The following GOLGA6L9 variants were observed in gnomAD, a reference collection of about 807,000 sequenced individuals.
GOLGA6L9 encodes golgin A6 family like 9.
Under a neutral mutation model 51.3 loss-of-function variants are expected in GOLGA6L9, and 19 were observed. The observed-to-expected ratio is 0.37, with a 90% CI of 0.26 to 0.54. The LOEUF (loss-of-function observed/expected upper bound fraction) is 0.54. GOLGA6L9 is among the 20% of genes least tolerant of loss of function. GOLGA6L9 has a pLI of 0.83. For synonymous variants in GOLGA6L9, 97 were observed against 184.2 expected (o/e 0.53, Z 3.83); for missense variants, 247 against 464.1 (o/e 0.53, Z 4.30).
the GOLGA6L9 span, chr15:82,419,276 T>G: frequency 5.2e-6 from 1 of 193,752 alleles, no homozygotes; most frequent in Non-Finnish European, 1.1e-5. Flanking sequence ...TACTCAATTT[T>G]CACCCTCAAT....
chr15:82,438,347 A>C lies in GOLGA6L9; in HGVS notation c.*1936A>C, dbSNP rs1380358217. 6.6e-6 allele frequency: 1 copy of C among 151,170 alleles called. No homozygotes were observed. The highest frequency in any genetic ancestry group is 2.4e-5 in the African/African-American group (1 of 41,164). 9.4% of individuals were successfully genotyped at this position (151,170 alleles called of 1,614,324 possible). ...GAATGTCAGTCTGAAAAATAAATGTACTATATTAACTCAAATACCACTCTC... is the reference window on the plus strand; with the variant it reads ...GAATGTCAGTCTGAAAAATAAATGTCCTATATTAACTCAAATACCACTCTC... On this transcript the variant is annotated 3_prime_UTR_variant, in exon 9 of 9. Transcript: ENST00000618348.
intron 4 of GOLGA6L9, 122 bp from the exon 5 acceptor site, chr15:82,433,440 G>C: frequency 1.6e-6 from 1 of 627,582 alleles, no homozygotes; most frequent in Non-Finnish European, 2.8e-6. Context: ...AATGTTTGTT[G>C]AATGAATGCA....
rs1227370503 is a variant in GOLGA6L9, at chr15:82,434,507, C to T, written c.907C>T (p.Leu303=). 6.4e-7 allele frequency: 1 copy of T among 1,573,250 alleles called. No individual in the cohort carries two copies. The highest frequency in any genetic ancestry group is 8.6e-7 in the Non-Finnish European group (1 of 1,167,006). ...RLWQQETLRE[L]ERLRELERML... The stretch of plus-strand genomic sequence containing the variant: ...GTGGCAGCAGGAGACTCTGCGGGAG[C>T]TGGAGAGGCTGCGGGAGCTGGAGAG... The change falls in exon 6 of 9, where the codon CTG becomes TTG. Residue 303 remains leucine, a synonymous_variant. Coordinates refer to ENST00000618348, the MANE Select transcript of GOLGA6L9 (RefSeq NM_198181.4).
chr15:82,428,258 T>TA (rs2031261379), upstream of GOLGA6L9, among the ~76,000 whole-genome samples: 1 of 135,364 alleles, frequency 7.4e-6, no homozygotes, highest in Non-Finnish European at 1.6e-5. Flanking sequence ...TGTGCGTGAG[T>TA]CTTACATTGT....
chr15:82,424,199 G>A, the GOLGA6L9 span, among the ~76,000 whole-genome samples: 4 of 151,000 alleles, frequency 2.6e-5, no homozygotes, highest in Non-Finnish European at 5.9e-5. Context: ...AGTCTCCCGA[G>A]TAGCTGGGAT....
In GOLGA6L9 at chr15:82,434,284, G is replaced by T. The variant is rs1267945999; in HGVS notation, c.684G>T (p.Arg228Ser). ...AGAGGCTGTGTGAACAGGAGGAGAG[G>T]CTACGTGAACAGGAGGAGAGGCTGT... ...QEERLCEQEE[R>S]LREQEERLCE... The change falls in exon 6 of 9, where the codon AGG (arginine) becomes AGT (serine). Residue 228 changes from arginine to serine, a missense_variant. Arg to Ser is a moderately radical substitution (Grantham distance 110). This residue lies in a region of GOLGA6L9 where 66 missense variants were observed against 66.2 expected (regional missense o/e 1.00). Coordinates refer to ENST00000618348, the MANE Select transcript of GOLGA6L9 (RefSeq NM_198181.4). 11,854 of 1,552,628 alleles carry T rather than the reference G, an allele frequency of 7.6e-3. 41 individuals are homozygous for T. The highest frequency in any genetic ancestry group is 9.1e-3 in the Non-Finnish European group (10,566 of 1,155,662).
At chr15:82,429,773 T>G (rs1480069361), upstream of GOLGA6L9, among the ~76,000 whole-genome samples, 1 of 152,164 alleles carries the variant, frequency 6.6e-6, no homozygotes, top group Non-Finnish European at 1.5e-5. Flanking sequence ...TTTTAAAGCT[T>G]TTAAAGCAAA....
chr15:82,433,664 G>T lies in GOLGA6L9; in HGVS notation c.433+15G>T. ...AAACCAGACGGGTAAGATGGGGCTG[G>T]CATGACCTGGCAGCTGGACTGGCAT... On this transcript the variant is annotated intron_variant, in intron 5 of 8. Coordinates refer to ENST00000618348, the MANE Select transcript of GOLGA6L9 (RefSeq NM_198181.4). The T allele has an allele frequency of 1.3e-6, 1 of 750,490 alleles. No homozygotes were observed. Among genetic ancestry groups the T allele is most frequent in the East Asian group, 2.8e-5 (1 of 35,558 alleles). 46.5% of individuals were successfully genotyped at this position (750,490 alleles called of 1,614,324 possible).
chr15:82,419,672 C>CAAAAA, the GOLGA6L9 span, among the ~76,000 whole-genome samples: 1 of 151,322 alleles, frequency 6.6e-6, no homozygotes, highest in East Asian at 1.9e-4. Flanking sequence ...CAAAACAAAA[C>CAAAAA]AAAAAAAACA....
chr15:82,426,000 A>C (rs1238832813), upstream of GOLGA6L9, among the ~76,000 whole-genome samples: 6 of 127,974 alleles, frequency 4.7e-5, no homozygotes, highest in African/African-American at 1.8e-4. Flanking sequence ...TATATTTAAA[A>C]ATTTTCTGAA....
chr15:82,419,649 C>A, the GOLGA6L9 span, among the ~76,000 whole-genome samples: 1 of 150,912 alleles, frequency 6.6e-6, no homozygotes, highest in Non-Finnish European at 1.5e-5. Context: ...GACTCCATCT[C>A]AAAAAAACAA....
At chr15:82,427,174 T>TCTTC, upstream of GOLGA6L9, among the ~76,000 whole-genome samples, 1 of 151,576 alleles carries the variant, frequency 6.6e-6, no homozygotes, top group South Asian at 2.1e-4. Context: ...TTTCATTTTT[T>TCTTC]CTTCTTTTCT....
the GOLGA6L9 span, among the ~76,000 whole-genome samples, chr15:82,419,761 T>C: frequency 6.6e-6 from 1 of 152,234 alleles, no homozygotes; most frequent in African/African-American, 2.4e-5. Flanking sequence ...ACAGTGACCT[T>C]TATTTAAGGT....
chr15:82,427,195 C>T, upstream of GOLGA6L9, among the ~76,000 whole-genome samples: 4 of 147,202 alleles, frequency 2.7e-5, no homozygotes, highest in African/African-American at 5.0e-5. Context: ...TTTTCCTTTC[C>T]TTTCCCTTTC....
upstream of GOLGA6L9, among the ~76,000 whole-genome samples, chr15:82,427,287 T>C (rs1440245036): frequency 7.2e-6 from 1 of 138,726 alleles, no homozygotes; most frequent in Non-Finnish European, 1.5e-5. Context: ...TACTTTCTTT[T>C]CTTTTCCCTC....
Position 82,436,654 on chromosome 15 carries a change from T to G in GOLGA6L9, c.*243T>G, listed in dbSNP as rs2031700808. The G allele has an allele frequency of 3.0e-6, 1 of 335,870 alleles. No homozygotes were observed. Among genetic ancestry groups the G allele is most frequent in the Non-Finnish European group, 5.0e-6 (1 of 198,338 alleles). The allele number at this position is 335,870 out of a possible 1,614,324, so 20.8% of individuals were successfully genotyped here. On this transcript the variant is annotated 3_prime_UTR_variant, in exon 9 of 9. Coordinates refer to ENST00000618348, the MANE Select transcript of GOLGA6L9 (RefSeq NM_198181.4). Reference sequence around the variant, plus strand: ...TTTGTTTCTAATTTATAATTTAAATTTATTTGTAAAAAGTTAAATGAGAGT... The same window carrying G: ...TTTGTTTCTAATTTATAATTTAAATGTATTTGTAAAAAGTTAAATGAGAGT...
chr15:82,434,691 C>A, intron 6 of GOLGA6L9, 89 bp downstream of exon 6: 1 of 787,258 alleles, frequency 1.3e-6, no homozygotes. Context: ...TTGTAGCCTT[C>A]ACATGAAATG....
In GOLGA6L9 at chr15:82,438,098, C is replaced by T. The variant is rs1382932975; in HGVS notation, c.*1687C>T. 2.2e-4 allele frequency: 32 copies of T among 143,944 alleles called. 2 individuals are homozygous for T. Among genetic ancestry groups the T allele is most frequent in the Admixed American group, 1.5e-3 (22 of 14,736 alleles). 8.9% of individuals were successfully genotyped at this position (143,944 alleles called of 1,614,324 possible). A position where few individuals can be genotyped will look rare whatever the true frequency, so the allele number is the denominator to read the frequency against. ...AAATCGTACCACTGTTAATTAGCCA[C>T]ATTATTTGGTCTAACAGTTTATCAT... On this transcript the variant is annotated 3_prime_UTR_variant, in exon 9 of 9. Transcript: ENST00000618348.
In GOLGA6L9 at chr15:82,434,171, A is replaced by T; in HGVS notation, c.571A>T (p.Ser191Cys). 1.2e-5 allele frequency: 19 copies of T among 1,537,330 alleles called. No individual in the cohort carries two copies. In the South Asian group the frequency reaches 2.1e-4, roughly 17 times the overall value. ...QAEVENNQML[S>C]LLNRRQEERL... is the part of the protein sequence containing the mutation. ...TGAGGTGGAAAACAATCAGATGTTG[A>T]GTCTCCTGAACAGGAGACAGGAGGA... is the stretch of plus-strand genomic sequence containing the variant. Residue 191 changes from serine (S) to cysteine (C), a missense_variant, in exon 6 of 9, where the codon AGT (serine) becomes TGT (cysteine). Ser to Cys is a moderately radical substitution (Grantham distance 112). Around this residue, in one of 9 missense-constraint regions of GOLGA6L9, gnomAD observed 66 missense variants for 66.2 expected, o/e 1.00. Coordinates refer to ENST00000618348, the MANE Select transcript of GOLGA6L9 (RefSeq NM_198181.4).
Sources: allele counts gnomAD v4.1 joint callset (sites outside exome capture counted in the v4.1 genomes callset), GRCh38; gene constraint gnomAD v4.1.1; regional missense constraint gnomAD v4.1.1; transcripts MANE v1.5; gene names NCBI Gene and HGNC (gene_info 2026-07-23, HGNC 2026-07-21).